The following PLVAP variants were observed in gnomAD, a reference collection of about 807,000 sequenced individuals.
PLVAP encodes plasmalemma vesicle associated protein.
Under a neutral mutation model 43.1 loss-of-function variants are expected in PLVAP, and 34 were observed. The observed-to-expected ratio is 0.79, with a 90% CI of 0.60 to 1.05. The LOEUF (loss-of-function observed/expected upper bound fraction) is 1.05, where lower values mean the gene tolerates loss of function less well. Ranked by LOEUF, PLVAP falls within the 50% of genes least tolerant of loss-of-function variation. PLVAP has a pLI of 0.00. For synonymous variants in PLVAP, 241 were observed against 237.3 expected (o/e 1.02, Z -0.14); for missense variants, 574 against 593.4 (o/e 0.97, Z 0.34).
At chr19:17,367,745 C>T (rs2074556033) in intron 1 of PLVAP, among the ~76,000 whole-genome samples, 1 of 152,158 alleles carries the variant, frequency 6.6e-6, no homozygotes, top group African/African-American at 2.4e-5. Context: ...TGGTGACGAT[C>T]TCCCCCATCA....
In PLVAP at chr19:17,376,659, A is replaced by G. The variant is rs115376891; in HGVS notation, c.369+261T>C. ...CTAAAAATACAAAAATGAGCCGGTT[A>G]TGATGGCACATGCCTGTAATCCCAG... is the stretch of plus-strand genomic sequence containing the variant. On this transcript the variant is annotated intron_variant, in intron 1 of 5. Transcript: ENST00000252590. 4.0e-3 allele frequency among the ~76,000 whole-genome samples: 609 copies of G among 151,270 alleles called. 4 individuals are homozygous for G. Among genetic ancestry groups the G allele is most frequent in the African/African-American group, 0.013 (549 of 41,206 alleles).
intron 5 of PLVAP, among the ~76,000 whole-genome samples, chr19:17,359,687 C>T (rs937668913): frequency 8.3e-6 from 1 of 121,210 alleles, no homozygotes; most frequent in African/African-American, 3.2e-5. Flanking sequence ...CCACCGTACC[C>T]GGCCTCTTTT....
Position 17,357,095 on chromosome 19 carries a change from C to A in PLVAP, c.1322+3433G>T, listed in dbSNP as rs1294412031. Among the ~76,000 whole-genome samples, 27 of 152,002 alleles carry A rather than the reference C, an allele frequency of 1.8e-4. 1 individual carries two copies. Among genetic ancestry groups the A allele is most frequent in the Admixed American group, 1.8e-3 (27 of 15,224 alleles). On this transcript the variant is annotated intron_variant, in intron 5 of 5. Transcript: ENST00000252590. The stretch of plus-strand genomic sequence containing the variant: ...AGGAGTTTGAGACCAGCATGGCCAA[C>A]ATGGTGAAACCCCAAAATTTTTACA...
chr19:17,354,908 A>AAATT (rs2074500453), intron 5 of PLVAP, among the ~76,000 whole-genome samples: 1 of 151,220 alleles, frequency 6.6e-6, no homozygotes, highest in Admixed American at 6.6e-5. Context: ...AAAAAAAAAA[A>AAATT]AAAATTAAAA....
At chr19:17,376,309 G>A (rs969999036) in intron 1 of PLVAP, among the ~76,000 whole-genome samples, 1 of 152,126 alleles carries the variant, frequency 6.6e-6, no homozygotes, top group African/African-American at 2.4e-5. Context: ...GGGCAACATA[G>A]TGAGACCTCA....
chr19:17,353,864 A>T (rs1386088451), intron 5 of PLVAP, among the ~76,000 whole-genome samples: 6 of 152,216 alleles, frequency 3.9e-5, no homozygotes, highest in Admixed American at 1.3e-4. Flanking sequence ...AGCACCCAGC[A>T]CCATGCCCGG....
chr19:17,376,838 CTT>C (rs2074597204), intron 1 of PLVAP, 80 bp downstream of exon 1: 1 of 1,357,232 alleles, frequency 7.4e-7, no homozygotes, highest in South Asian at 1.4e-5. Flanking sequence ...GTCCCCCTCT[CTT>C]GGATGAGGAA....
At chr19:17,369,419 CAA>C (rs1236947411) in intron 1 of PLVAP, among the ~76,000 whole-genome samples, 2 of 144,550 alleles carry the variant, frequency 1.4e-5, no homozygotes, top group Non-Finnish European at 3.0e-5. Context: ...CTCCTAACCT[CAA>C]GTGATCTGCC....
intron 5 of PLVAP, among the ~76,000 whole-genome samples, chr19:17,358,826 A>C (rs944583721): frequency 4.0e-5 from 6 of 149,156 alleles, no homozygotes; most frequent in Non-Finnish European, 7.4e-5. Flanking sequence ...CCAAGACAGG[A>C]TCTCACTCTG....
chr19:17,366,236 T>A (rs1438224411), intron 1 of PLVAP, 41 bp from the exon 2 acceptor site: 1 of 1,603,494 alleles, frequency 6.2e-7, no homozygotes, highest in East Asian at 2.2e-5. Flanking sequence ...CAGAGCTTAG[T>A]GTCTTGCCCC....
chr19:17,376,215 C>T (rs1301545434), intron 1 of PLVAP, among the ~76,000 whole-genome samples: 4 of 151,706 alleles, frequency 2.6e-5, no homozygotes, highest in Non-Finnish European at 2.9e-5. Flanking sequence ...TTTAGCTGGA[C>T]GCAGTGCCCC....
intron 5 of PLVAP, among the ~76,000 whole-genome samples, chr19:17,354,519 C>T (rs2074498355): frequency 6.7e-6 from 1 of 148,700 alleles, no homozygotes; most frequent in East Asian, 2.0e-4. Flanking sequence ...ATCACTTGAA[C>T]CTGGGAGGCA....
At chr19:17,372,959 G>C (rs1299178843) in intron 1 of PLVAP, among the ~76,000 whole-genome samples, 3 of 149,654 alleles carry the variant, frequency 2.0e-5, no homozygotes. Flanking sequence ...CCAGCTACTC[G>C]GGAGGCTAAG....
intron 1 of PLVAP, among the ~76,000 whole-genome samples, chr19:17,376,076 G>T (rs2074594158): frequency 6.6e-6 from 1 of 152,076 alleles, no homozygotes; most frequent in African/African-American, 2.4e-5. Flanking sequence ...TACTCAAAAG[G>T]CTGAGGCAGG....
chr19:17,359,474 C>T (rs1441154717), intron 5 of PLVAP, among the ~76,000 whole-genome samples: 2 of 142,622 alleles, frequency 1.4e-5, no homozygotes, highest in African/African-American at 5.2e-5. Flanking sequence ...GGTGTCATCT[C>T]GGCTCACTGC....
chr19:17,368,337 G>C (rs1241199166), intron 1 of PLVAP, among the ~76,000 whole-genome samples: 1 of 151,672 alleles, frequency 6.6e-6, no homozygotes, highest in East Asian at 1.9e-4. Flanking sequence ...CTCCTAAAGT[G>C]CTAGGATTAC....
intron 5 of PLVAP, among the ~76,000 whole-genome samples, chr19:17,359,864 C>T (rs1362872683): frequency 2.0e-5 from 3 of 152,068 alleles, no homozygotes; most frequent in African/African-American, 7.2e-5. Context: ...AGCTGAGACT[C>T]ATTTTCTAGA....
chr19:17,356,835 TG>T, intron 5 of PLVAP, among the ~76,000 whole-genome samples: 1 of 151,910 alleles, frequency 6.6e-6, no homozygotes, highest in Admixed American at 6.6e-5. Flanking sequence ...GGCGCATGCC[TG>T]TAATCCCAGC....
intron 1 of PLVAP, among the ~76,000 whole-genome samples, chr19:17,367,176 C>T (rs1386283530): frequency 6.6e-6 from 1 of 151,718 alleles, no homozygotes; most frequent in Non-Finnish European, 1.5e-5. Flanking sequence ...AACTCCTGAG[C>T]TCAAAGAATC....
Sources: allele counts gnomAD v4.1 joint callset (sites outside exome capture counted in the v4.1 genomes callset), GRCh38; gene constraint gnomAD v4.1.1; transcripts MANE v1.5; gene names NCBI Gene and HGNC (gene_info 2026-07-23, HGNC 2026-07-21).